Variants in DAPK1 observed in about 807,000 individuals in gnomAD.
The protein encoded by DAPK1 is death-associated protein kinase 1.
Under a neutral mutation model 144.9 loss-of-function variants are expected in DAPK1, and 56 were observed. The ratio of observed to expected loss-of-function variants is 0.39; its 90% confidence interval spans 0.31 to 0.48. DAPK1 has a LOEUF of 0.48. Ranked by LOEUF, DAPK1 falls within the 20% of genes least tolerant of loss-of-function variation. The probability of loss-of-function intolerance (pLI) is 0.95; values close to 1 mark genes in which losing one functional copy is unlikely to be tolerated. For missense variants in DAPK1, 1,454 were observed against 1,875.4 expected (o/e 0.78, Z 4.15); for synonymous variants, 690 against 749.0 (o/e 0.92, Z 1.29).
intron 17 of DAPK1, among the ~76,000 whole-genome samples, chr9:87,655,883 C>T (rs1237220957): frequency 2.0e-5 from 3 of 152,218 alleles, no homozygotes; most frequent in Admixed American, 6.5e-5. Flanking sequence ...AGAGGACTCC[C>T]TGCCTGTCAG....
At position 87,696,730 on chromosome 9, in the gene DAPK1, CT is replaced by C. The variant is rs574183640; in HGVS notation, c.2414-275del. ...AACACACTCACTCACTCACTCACTC[CT>C]TCCCACCAGCACCAAGCCATTTGGG... is the stretch of plus-strand genomic sequence containing the variant. On this transcript the variant is annotated intron_variant, in intron 21 of 25. Transcript: ENST00000408954. Among the ~76,000 whole-genome samples the C allele has an allele frequency of 1.5e-4, 23 of 152,226 alleles. 1 individual carries two copies. Among genetic ancestry groups the C allele is most frequent in the South Asian group, 4.1e-4 (2 of 4,822 alleles).
intron 1 of DAPK1, 144 bp from the exon 2 acceptor site, chr9:87,498,826 A>T: frequency 2.1e-6 from 1 of 478,732 alleles, no homozygotes; most frequent in Non-Finnish European, 3.7e-6. Flanking sequence ...CAGCTTTAAC[A>T]AAGGGTGCTC....
Position 87,703,026 on chromosome 9 carries a change from T to C in DAPK1, c.2872-3T>C. The C allele has an allele frequency of 6.6e-7, 1 of 1,524,132 alleles. No homozygotes were observed. The highest frequency in any genetic ancestry group is 1.1e-5 in the South Asian group (1 of 89,146). The allele number at this position is 1,524,132 out of a possible 1,614,324, so 94.4% of individuals were successfully genotyped here. ...TTAACCTGTCTGGCCCTGCCCCCTC[T>C]AGGTCTGTCCTCCCATGACTCACCT... On this transcript the variant is annotated splice_polypyrimidine_tract_variant and splice_region_variant and intron_variant, in intron 24 of 25. Coordinates refer to ENST00000408954, the MANE Select transcript of DAPK1 (RefSeq NM_004938.4).
intron 2 of DAPK1, among the ~76,000 whole-genome samples, chr9:87,507,174 G>C (rs928570793): frequency 1.3e-5 from 2 of 152,192 alleles, no homozygotes; most frequent in East Asian, 3.9e-4. Context: ...TCACACTGTG[G>C]TCATTGAAGT....
chr9:87,661,712 T>C (rs1039703193), intron 18 of DAPK1, among the ~76,000 whole-genome samples: 1 of 152,226 alleles, frequency 6.6e-6, no homozygotes, highest in Non-Finnish European at 1.5e-5. Flanking sequence ...GAGTTCCTGG[T>C]ACATTCTGGA....
intron 2 of DAPK1, among the ~76,000 whole-genome samples, chr9:87,556,308 A>G (rs899590450): frequency 6.6e-6 from 1 of 152,134 alleles, no homozygotes; most frequent in Non-Finnish European, 1.5e-5. Context: ...GGAGGAGGAA[A>G]CAGGTGCAGA....
rs1317095359 is a variant in DAPK1 at position 87,650,025 on chromosome 9, A to C, written c.1533A>C (p.Gly511=). 6.2e-7 allele frequency: 1 copy of C among 1,614,030 alleles called. No individual in the cohort carries two copies. The highest frequency in any genetic ancestry group is 1.3e-5 in the African/African-American group (1 of 74,922). The change falls in exon 16 of 26, where the codon GGA becomes GGC. Residue 511 remains glycine, a synonymous_variant. Transcript: ENST00000408954. The part of the protein sequence containing the change: ...GCNVNIKNRE[G]ETPLLTASAR... ...ACGTGAACATCAAGAACCGAGAAGG[A>C]GAGACGCCCCTCCTGACAGCCTCTG...
At chr9:87,581,763 A>C (rs1459508466) in intron 2 of DAPK1, among the ~76,000 whole-genome samples, 1 of 152,242 alleles carries the variant, frequency 6.6e-6, no homozygotes, top group Non-Finnish European at 1.5e-5. Context: ...AACTTGGAGA[A>C]ACTTTGCTAC....
chr9:87,672,777 A>G (rs73652195), intron 19 of DAPK1, among the ~76,000 whole-genome samples: 10,928 of 152,192 alleles, frequency 0.072, 1,201 homozygotes, highest in African/African-American at 0.24. Flanking sequence ...CACACCCGGT[A>G]CTGGAATTTG....
chr9:87,633,321 T>C, intron 3 of DAPK1: 1 of 984,852 alleles, frequency 1.0e-6, no homozygotes, highest in Non-Finnish European at 1.2e-6. Flanking sequence ...TGTACATATG[T>C]AGATATGAAG....
At position 87,533,824 on chromosome 9, in the gene DAPK1, G is replaced by A. The variant is rs139875852; in HGVS notation, c.62+34685G>A. ...ATTACAGGCATATGCCTCCATGCCCGGCTAATTTTTGTATTTTGAGTTGAG... is the reference window on the plus strand; with the variant it reads ...ATTACAGGCATATGCCTCCATGCCCAGCTAATTTTTGTATTTTGAGTTGAG... On this transcript the variant is annotated intron_variant, in intron 2 of 25. Transcript: ENST00000408954. Among the ~76,000 whole-genome samples the A allele has an allele frequency of 3.0e-4, 45 of 152,190 alleles. No homozygotes were observed. In the East Asian group the frequency reaches 6.6e-3, roughly 22 times the overall value.
At chr9:87,642,134 C>T (rs1407672191) in intron 10 of DAPK1, 76 bp downstream of exon 10, 2 of 1,114,684 alleles carry the variant, frequency 1.8e-6, no homozygotes, top group Non-Finnish European at 2.7e-6. Flanking sequence ...GGTGCATCTC[C>T]TCTGATACTG....
At chr9:87,560,335 A>C (rs965896628) in intron 2 of DAPK1, among the ~76,000 whole-genome samples, 1 of 152,154 alleles carries the variant, frequency 6.6e-6, no homozygotes, top group African/African-American at 2.4e-5. Flanking sequence ...AGTTTATTTT[A>C]ATATGTGGTT....
intron 19 of DAPK1, among the ~76,000 whole-genome samples, chr9:87,675,645 AG>A (rs1415935709): frequency 6.6e-6 from 1 of 151,882 alleles, no homozygotes; most frequent in Admixed American, 6.6e-5. Flanking sequence ...CTCAGACTGG[AG>A]CCTCAGGGTC....
intron 10 of DAPK1, among the ~76,000 whole-genome samples, chr9:87,642,455 T>C (rs1209220781): frequency 6.6e-6 from 1 of 152,170 alleles, no homozygotes; most frequent in Non-Finnish European, 1.5e-5. Flanking sequence ...CCAGCCTTTA[T>C]CTGTGAGTGG....
rs185293742 is a variant in DAPK1, at chr9:87,566,519, T to C, written c.63-38435T>C. Among the ~76,000 whole-genome samples the C allele has an allele frequency of 2.1e-3, 314 of 151,898 alleles. 1 individual carries two copies. The South Asian group carries it at 0.025, about 12-fold the overall frequency. The stretch of plus-strand genomic sequence containing the variant: ...AAATGCTCCAATGAAAGAGGAAAAG[T>C]GGAGGGAGGTAAATAGTTATTGGTA... On this transcript the variant is annotated intron_variant, in intron 2 of 25. Coordinates refer to ENST00000408954, the MANE Select transcript of DAPK1 (RefSeq NM_004938.4).
Position 87,533,748 on chromosome 9 carries a change from C to T in DAPK1, c.62+34609C>T, listed in dbSNP as rs550699340. On this transcript the variant is annotated intron_variant, in intron 2 of 25. Transcript: ENST00000408954. ...CGTGATCTGGGCTCACTGCAACCTCCGCCTCTCTGGCTTAAGCGATTCTCC... is the reference window on the plus strand; with the variant it reads ...CGTGATCTGGGCTCACTGCAACCTCTGCCTCTCTGGCTTAAGCGATTCTCC... Among the ~76,000 whole-genome samples the T allele has an allele frequency of 1.1e-3, 171 of 152,334 alleles. 1 individual carries two copies. Among genetic ancestry groups the T allele is most frequent in the African/African-American group, 3.4e-3 (142 of 41,578 alleles).
At chr9:87,690,345 G>T (rs1425826411) in intron 21 of DAPK1, among the ~76,000 whole-genome samples, 1 of 151,922 alleles carries the variant, frequency 6.6e-6, no homozygotes, top group African/African-American at 2.4e-5. Flanking sequence ...ATTTTTGTAG[G>T]TTGATTTTGT....
At chr9:87,525,450 A>T (rs1055791796) in intron 2 of DAPK1, 1 of 1,606,878 alleles carries the variant, frequency 6.2e-7, no homozygotes, top group Non-Finnish European at 8.5e-7. Flanking sequence ...TACGCGAAGG[A>T]TATCGGTTTC....
Sources: gnomAD v4.1 joint callset for allele counts (sites outside exome capture counted in the v4.1 genomes callset) on GRCh38, gnomAD v4.1.1 for gene constraint, MANE v1.5 for transcripts, NCBI Gene and HGNC (gene_info 2026-07-23, HGNC 2026-07-21) for gene names.